The following JPH3 variants were observed in gnomAD, a reference collection of about 807,000 sequenced individuals.
JPH3 encodes junctophilin-3.
JPH3 carries 11 observed loss-of-function variants against 59.6 expected under a neutral mutation model. The ratio of observed to expected loss-of-function variants is 0.18; its 90% confidence interval spans 0.12 to 0.31. The LOEUF is 0.31. Among genes scored for constraint, JPH3 ranks in the 10% least tolerant of loss-of-function variants. The pLI, the probability that JPH3 is intolerant of heterozygous loss-of-function variation, is 1.00. For missense variants in JPH3, 1,202 were observed against 1,105.7 expected (o/e 1.09, Z -1.24); for synonymous variants, 673 against 483.6 (o/e 1.39, Z -5.14).
At position 87,644,849 on chromosome 16, in the gene JPH3, G is replaced by A. The variant is rs538911482; in HGVS notation, c.974G>A (p.Cys325Tyr). ...WASNRRHGYG[C>Y]MTFPDGTKEE... The stretch of plus-strand genomic sequence containing the variant: ...AGCAACCGGCGCCATGGCTACGGCT[G>A]CATGACCTTCCCGGACGGCACCAAG... The change falls in exon 2 of 5, where the codon TGC (cysteine) becomes TAC (tyrosine). Residue 325 changes from cysteine to tyrosine, a missense_variant. Cys to Tyr is a radical substitution (Grantham distance 194). Transcript: ENST00000284262. The A allele has an allele frequency of 6.2e-7, 1 of 1,613,508 alleles. No homozygotes were observed. Among genetic ancestry groups the A allele is most frequent in the African/African-American group, 1.3e-5 (1 of 75,030 alleles).
chr16:87,604,622 G>A, intron 1 of JPH3: 1 of 1,199,378 alleles, frequency 8.3e-7, no homozygotes, highest in Non-Finnish European at 1.1e-6. Context: ...TAAAAATCCT[G>A]AGCGTACGTG....
chr16:87,654,563 C>T (rs1183023335), intron 2 of JPH3: 2 of 152,358 alleles, frequency 1.3e-5, no homozygotes, highest in Non-Finnish European at 2.9e-5. Flanking sequence ...GAGCCTCAGG[C>T]ACGACAATCT....
At position 87,667,808 on chromosome 16, in the gene JPH3, G is replaced by GTTTGT. The variant is rs760804774; in HGVS notation, c.1161-16310_1161-16306dup. ...CACATACTCTTCTCTGTCTGTTTTT[G>GTTTGT]TTTGTTTTGTTTTGTTTTGTTTTGT... On this transcript the variant is annotated intron_variant, in intron 2 of 4. Coordinates refer to ENST00000284262, the MANE Select transcript of JPH3 (RefSeq NM_020655.4). 7.9e-5 allele frequency among the ~76,000 whole-genome samples: 12 copies of GTTTGT among 152,200 alleles called. 1 individual carries two copies. Among genetic ancestry groups the GTTTGT allele is most frequent in the East Asian group, 1.9e-4 (1 of 5,182 alleles).
At chr16:87,692,945 C>A (rs554718018) in intron 4 of JPH3, among the ~76,000 whole-genome samples, 3 of 152,228 alleles carry the variant, frequency 2.0e-5, no homozygotes, top group Non-Finnish European at 4.4e-5. Flanking sequence ...GACTAGCATC[C>A]GGCCCTTCCT....
intron 2 of JPH3, among the ~76,000 whole-genome samples, chr16:87,657,523 T>G (rs2032545096): frequency 6.6e-6 from 1 of 152,216 alleles, no homozygotes; most frequent in Admixed American, 6.5e-5. Context: ...AACTGTGAAC[T>G]TTAAAACTGT....
chr16:87,644,817 G>A lies in JPH3; in HGVS notation c.942G>A (p.Glu314=), dbSNP rs1364592560. The A allele has an allele frequency of 5.0e-6, 8 of 1,613,504 alleles. No individual in the cohort carries two copies. Among genetic ancestry groups the A allele is most frequent in the Non-Finnish European group, 1.7e-6 (2 of 1,179,918 alleles). Residue 314 remains glutamate (E), a synonymous_variant, in exon 2 of 5, where the codon GAG becomes GAA. Transcript: ENST00000284262. ...QRSDGLKYEG[E]WASNRRHGYG... ...CGGACGGGCTCAAGTACGAGGGCGA[G>A]TGGGCCAGCAACCGGCGCCATGGCT...
At chr16:87,662,129 G>A (rs962731463) in intron 2 of JPH3, among the ~76,000 whole-genome samples, 9 of 152,150 alleles carry the variant, frequency 5.9e-5, no homozygotes, top group African/African-American at 1.4e-4. Flanking sequence ...AGAGGGATCC[G>A]TAGGCCTCCC....
chr16:87,662,430 T>C (rs575106954), intron 2 of JPH3, among the ~76,000 whole-genome samples: 2,733 of 152,228 alleles, frequency 0.018, 84 homozygotes, highest in African/African-American at 0.062. Flanking sequence ...GTCTGATTTT[T>C]TTTTTTTAGC....
chr16:87,617,222 C>G (rs940886492), intron 1 of JPH3, among the ~76,000 whole-genome samples: 5 of 152,080 alleles, frequency 3.3e-5, no homozygotes, highest in African/African-American at 7.2e-5. Flanking sequence ...GACTCTGTCT[C>G]AAAAAACAAA....
intron 2 of JPH3, among the ~76,000 whole-genome samples, chr16:87,674,233 G>C (rs552826673): frequency 3.3e-5 from 5 of 152,194 alleles, no homozygotes; most frequent in Middle Eastern, 3.4e-3. Flanking sequence ...ACTCGGGAGT[G>C]TGAGGCAGGA....
At chr16:87,683,990 C>T (rs2033356245) in intron 2 of JPH3, 152 bp from the exon 3 acceptor site, 3 of 618,522 alleles carry the variant, frequency 4.9e-6, no homozygotes, top group African/African-American at 1.8e-5. Context: ...AATGAATGAA[C>T]GAACAAGATC....
At chr16:87,690,664 C>G (rs752341039) in intron 4 of JPH3, 138 bp downstream of exon 4, 128 of 953,028 alleles carry the variant, frequency 1.3e-4, no homozygotes, top group Non-Finnish European at 1.5e-4. Flanking sequence ...GGGGTACAGC[C>G]GGGAGTGGTG....
intron 2 of JPH3, among the ~76,000 whole-genome samples, chr16:87,658,709 C>T (rs1206434173): frequency 6.6e-6 from 1 of 152,156 alleles, no homozygotes; most frequent in African/African-American, 2.4e-5. Flanking sequence ...GAGGACTCAC[C>T]CCCCTGCAGT....
intron 4 of JPH3, among the ~76,000 whole-genome samples, chr16:87,691,700 G>A (rs374494014): frequency 2.1e-4 from 32 of 152,224 alleles, no homozygotes; most frequent in South Asian, 6.2e-4. Context: ...GAACCACTGC[G>A]GACGTCTGTC....
chr16:87,636,041 G>A (rs547115769), intron 1 of JPH3, among the ~76,000 whole-genome samples: 2 of 152,082 alleles, frequency 1.3e-5, no homozygotes, highest in South Asian at 2.1e-4. Flanking sequence ...CCCTCGCGGC[G>A]GCCCACAGAG....
intron 2 of JPH3, among the ~76,000 whole-genome samples, chr16:87,661,659 G>A (rs749246845): frequency 2.6e-5 from 4 of 152,248 alleles, no homozygotes; most frequent in African/African-American, 4.8e-5. Flanking sequence ...GCTCAGAGAC[G>A]AAGAGTCACG....
At chr16:87,681,692 C>T (rs776843669) in intron 2 of JPH3, among the ~76,000 whole-genome samples, 4 of 152,024 alleles carry the variant, frequency 2.6e-5, no homozygotes, top group Non-Finnish European at 4.4e-5. Flanking sequence ...AGGTCAGGTG[C>T]ATGCGGTGAT....
chr16:87,659,343 C>A (rs1483040867), intron 2 of JPH3, among the ~76,000 whole-genome samples: 1 of 138,988 alleles, frequency 7.2e-6, no homozygotes, highest in Non-Finnish European at 1.5e-5. Context: ...AGCCACTGCA[C>A]TCCAGCCTGG....
At chr16:87,687,064 G>A (rs1199899385) in intron 3 of JPH3, among the ~76,000 whole-genome samples, 1 of 152,198 alleles carries the variant, frequency 6.6e-6, no homozygotes, top group Non-Finnish European at 1.5e-5. Context: ...TTTTACAAGC[G>A]CTGGGACTGG....
Sources: allele counts gnomAD v4.1 joint callset (sites outside exome capture counted in the v4.1 genomes callset), GRCh38; gene constraint gnomAD v4.1.1; transcripts MANE v1.5; gene names NCBI Gene and HGNC (gene_info 2026-07-23, HGNC 2026-07-21).